The following TMEM45B variants were observed in gnomAD, a reference collection of about 807,000 sequenced individuals.
TMEM45B encodes the protein transmembrane protein 45B.
A neutral mutation model predicts 27.3 loss-of-function variants in TMEM45B; 29 were observed. The ratio of observed to expected loss-of-function variants is 1.06; its 90% CI spans 0.79 to 1.45. The LOEUF (loss-of-function observed/expected upper bound fraction) is 1.45. TMEM45B is among the 40% of genes most tolerant of loss of function. TMEM45B has a pLI of 0.00. For synonymous variants in TMEM45B, 143 were observed against 134.7 expected, an observed-to-expected ratio of 1.06 and a Z score of -0.43; for missense variants, 348 against 343.9, an observed-to-expected ratio of 1.01 and a Z score of -0.09.
chr11:129,850,165 A>ATGATGTTGTTGT (rs1565372012), intron 1 of TMEM45B, among the ~76,000 whole-genome samples: 2 of 138,870 alleles, frequency 1.4e-5, no homozygotes, highest in Admixed American at 7.2e-5. Context: ...TTTTTTGTTG[A>ATGATGTTGTTGT]TGTTGTTGTT....
In TMEM45B at chr11:129,858,698, A is replaced by T. The variant is rs148552079; in HGVS notation, c.*13A>T. 843 of 1,537,836 alleles carry T rather than the reference A, an allele frequency of 5.5e-4. 1 individual carries two copies. The African/African-American group carries it at 9.3e-3, about 17-fold the overall frequency. On this transcript the variant is annotated 3_prime_UTR_variant, in exon 6 of 6. Coordinates refer to ENST00000281441, the MANE Select transcript of TMEM45B (RefSeq NM_138788.5). Reference sequence around the variant, plus strand: ...AGATGAGGAATGAGCCGAGATGCGGAGGGCGCAGATGTCCCACTGCACAGC... The same window carrying T: ...AGATGAGGAATGAGCCGAGATGCGGTGGGCGCAGATGTCCCACTGCACAGC...
In TMEM45B at chr11:129,858,590, A is replaced by G. The variant is rs768543970; in HGVS notation, c.733A>G (p.Lys245Glu). The change falls in exon 6 of 6, where the codon AAG (lysine) becomes GAG (glutamate). Residue 245 changes from lysine to glutamate, a missense_variant. By Grantham distance (56) the Lys-to-Glu change is moderately conservative (BLOSUM62 1). Transcript: ENST00000281441. ...SLVYCLLTRM[K>E]RHGRGEIIGI... Reference sequence around the variant, plus strand: ...CTATTAAAGCCTTTTGACTCGGATGAAGAGACACGGAAGGGGAGAAATCAT... The same window carrying G: ...CTATTAAAGCCTTTTGACTCGGATGGAGAGACACGGAAGGGGAGAAATCAT... 14 of 1,586,700 alleles carry G rather than the reference A, an allele frequency of 8.8e-6. No individual in the cohort carries two copies. The highest frequency in any genetic ancestry group is 7.2e-5 in the Admixed American group (4 of 55,812).
chr11:129,816,350 C>T (rs1489363784), intron 1 of TMEM45B, among the ~76,000 whole-genome samples: 1 of 152,170 alleles, frequency 6.6e-6, no homozygotes, highest in Non-Finnish European at 1.5e-5. Flanking sequence ...TGTGACCAGT[C>T]ACAGCTCACA....
chr11:129,841,721 C>G (rs1291920708), intron 1 of TMEM45B, among the ~76,000 whole-genome samples: 1 of 151,718 alleles, frequency 6.6e-6, no homozygotes, highest in Non-Finnish European at 1.5e-5. Flanking sequence ...CTCAGCCTCC[C>G]AAGTTGCTGA....
intron 1 of TMEM45B, among the ~76,000 whole-genome samples, chr11:129,851,560 T>TAAAAAAAAAAA (rs1555073025): frequency 1.1e-5 from 1 of 88,894 alleles, no homozygotes; most frequent in African/African-American, 5.4e-5. Flanking sequence ...AAAAAAAAAG[T>TAAAAAAAAAAA]CCCCTTCTCT....
At chr11:129,824,990 G>C (rs988767799) in intron 1 of TMEM45B, among the ~76,000 whole-genome samples, 3 of 152,112 alleles carry the variant, frequency 2.0e-5, no homozygotes, top group Admixed American at 2.0e-4. Flanking sequence ...CACTGGAGAG[G>C]AGCCACATTC....
At chr11:129,853,656 G>A (rs959254621) in intron 2 of TMEM45B, among the ~76,000 whole-genome samples, 6 of 152,156 alleles carry the variant, frequency 3.9e-5, no homozygotes, top group African/African-American at 1.2e-4. Context: ...CCACAAGCCA[G>A]GAAGTCACTG....
At chr11:129,835,927 G>A (rs1947614098) in intron 1 of TMEM45B, among the ~76,000 whole-genome samples, 1 of 152,190 alleles carries the variant, frequency 6.6e-6, no homozygotes, top group African/African-American at 2.4e-5. Flanking sequence ...AGACCAGCCT[G>A]GGCAACATGG....
chr11:129,846,991 A>C (rs1947768855), intron 1 of TMEM45B, among the ~76,000 whole-genome samples: 1 of 152,176 alleles, frequency 6.6e-6, no homozygotes, highest in Non-Finnish European at 1.5e-5. Flanking sequence ...ATATGGCCTT[A>C]TTGGCCCTGG....
chr11:129,837,081 C>T (rs1947629417), intron 1 of TMEM45B, among the ~76,000 whole-genome samples: 1 of 152,156 alleles, frequency 6.6e-6, no homozygotes, highest in African/African-American at 2.4e-5. Flanking sequence ...CTGTGAGATC[C>T]TGCTCTCGCC....
chr11:129,819,093 C>T (rs918026812), intron 1 of TMEM45B, among the ~76,000 whole-genome samples: 4 of 152,222 alleles, frequency 2.6e-5, no homozygotes, highest in Admixed American at 1.3e-4. Context: ...GTTATTATAA[C>T]TGTAGCCGTT....
At position 129,856,282 on chromosome 11, in the gene TMEM45B, G is replaced by A. The variant is rs561958812; in HGVS notation, c.570+390G>A. On this transcript the variant is annotated intron_variant, in intron 4 of 5. Coordinates refer to ENST00000281441, the MANE Select transcript of TMEM45B (RefSeq NM_138788.5). ...GCTAGAATGCAGTGGCGCAATCTTG[G>A]CTGACTGCAACCTCCATCTCCCAGG... 3.9e-5 allele frequency among the ~76,000 whole-genome samples: 6 copies of A among 152,246 alleles called. No homozygotes were observed. The South Asian group carries it at 1.2e-3, about 32-fold the overall frequency.
At chr11:129,853,262 C>T (rs1947874216) in intron 2 of TMEM45B, among the ~76,000 whole-genome samples, 1 of 152,236 alleles carries the variant, frequency 6.6e-6, no homozygotes, top group Non-Finnish European at 1.5e-5. Context: ...CGCTCCACTG[C>T]GGCCCTCCAG....
chr11:129,857,755 A>G (rs924428850), intron 5 of TMEM45B, among the ~76,000 whole-genome samples: 6 of 152,142 alleles, frequency 3.9e-5, no homozygotes, highest in African/African-American at 9.7e-5. Flanking sequence ...TCAGTACTGG[A>G]TGGCAGTCCC....
At chr11:129,845,787 A>C (rs1486880340) in intron 1 of TMEM45B, among the ~76,000 whole-genome samples, 1 of 152,234 alleles carries the variant, frequency 6.6e-6, no homozygotes, top group Non-Finnish European at 1.5e-5. Flanking sequence ...AGTTTTGGGA[A>C]TGCTAGACTT....
Position 129,854,635 on chromosome 11 carries a change from G to C in TMEM45B, c.204G>C (p.Pro68=). Residue 68 remains proline (P), a synonymous_variant, in exon 3 of 6, where the codon CCG becomes CCC. Transcript: ENST00000281441. ...GGATCCTGGCAGAGCAGTTTGTTCC[G>C]GATGGGCCCCACCTGCACCTCTACC... ...VTGILAEQFV[P]DGPHLHLYHE... is the part of the protein sequence containing the mutation. 6.2e-7 allele frequency: 1 copy of C among 1,614,158 alleles called. No homozygotes were observed. The highest frequency in any genetic ancestry group is 8.5e-7 in the Non-Finnish European group (1 of 1,180,032).
At chr11:129,840,696 A>G (rs1311408951) in intron 1 of TMEM45B, among the ~76,000 whole-genome samples, 4 of 152,048 alleles carry the variant, frequency 2.6e-5, no homozygotes, top group Non-Finnish European at 4.4e-5. Context: ...CAGCCTGACC[A>G]ACATGGTGAA....
chr11:129,847,618 G>GTTTA lies in TMEM45B; in HGVS notation c.-8-4856_-8-4853dup, dbSNP rs1342861791. ...ACGAGCATGCTGCCTTCAAGCATCTGTTTAACAAAGCACATCTTGCACCGC... is the reference window on the plus strand; with the variant it reads ...ACGAGCATGCTGCCTTCAAGCATCTGTTTATTTAACAAAGCACATCTTGCACCGC... On this transcript the variant is annotated intron_variant, in intron 1 of 5. Transcript: ENST00000281441. Among the ~76,000 whole-genome samples the GTTTA allele has an allele frequency of 1.2e-4, 18 of 151,216 alleles. 1 individual carries two copies. Among genetic ancestry groups the GTTTA allele is most frequent in the Non-Finnish European group, 1.8e-4 (12 of 67,876 alleles).
At chr11:129,848,727 C>A (rs1233470831) in intron 1 of TMEM45B, among the ~76,000 whole-genome samples, 2 of 152,166 alleles carry the variant, frequency 1.3e-5, no homozygotes, top group Non-Finnish European at 2.9e-5. Context: ...GCTGCTACAA[C>A]AAAATACCAC....
Sources: allele counts gnomAD v4.1 joint callset (sites outside exome capture counted in the v4.1 genomes callset), GRCh38; gene constraint gnomAD v4.1.1; transcripts MANE v1.5; gene names NCBI Gene and HGNC (gene_info 2026-07-23, HGNC 2026-07-21).